The following GALNTL6 variants were observed in gnomAD, a reference collection of about 807,000 sequenced individuals.
GALNTL6 encodes polypeptide N-acetylgalactosaminyltransferase like 6.
GALNTL6 carries 46 observed loss-of-function variants against 73.7 expected under a neutral mutation model. The observed-to-expected ratio is 0.62, with a 90% CI of 0.49 to 0.80. The LOEUF is 0.80. Among genes scored for constraint, GALNTL6 ranks in the 30% least tolerant of loss-of-function variants. GALNTL6 has a pLI of 0.00. For missense variants in GALNTL6, 604 were observed against 755.0 expected (o/e 0.80, Z 2.34); for synonymous variants, 259 against 263.7 (o/e 0.98, Z 0.17).
intron 12 of GALNTL6, among the ~76,000 whole-genome samples, chr4:173,032,488 C>G (rs1753511373): frequency 6.6e-6 from 1 of 151,372 alleles, no homozygotes; most frequent in African/African-American, 2.4e-5. Context: ...GTCAGACATC[C>G]CAGCCTGGGC....
rs1297265192 is a variant in GALNTL6 at position 172,504,171 on chromosome 4, A to AAAAAAAAAAAAAAC, written c.553+155490_553+155491insAAAAACAAAAAAAA. On this transcript the variant is annotated intron_variant, in intron 5 of 12. Transcript: ENST00000506823. ...CGAGACTCTGTCTCAAAAAAAAAAA[A>AAAAAAAAAAAAAAC]AAAAAAAACTCACACCTTGTTGATA... Among the ~76,000 whole-genome samples, 2 of 42,594 alleles carry AAAAAAAAAAAAAAC rather than the reference A, an allele frequency of 4.7e-5. 1 individual carries two copies. Among genetic ancestry groups the AAAAAAAAAAAAAAC allele is most frequent in the African/African-American group, 1.2e-4 (2 of 16,506 alleles). The allele number at this position is 42,594 out of a possible 152,430, so 27.9% of individuals were successfully genotyped here. A position where few individuals can be genotyped will look rare whatever the true frequency, so the allele number is the denominator to read the frequency against.
At chr4:172,569,236 C>T (rs915604481) in intron 5 of GALNTL6, among the ~76,000 whole-genome samples, 2 of 152,088 alleles carry the variant, frequency 1.3e-5, no homozygotes, top group Non-Finnish European at 2.9e-5. Context: ...TGAGGGCCCA[C>T]CTCCTGGTTC....
chr4:172,112,373 T>C lies in GALNTL6; in HGVS notation c.139-117283T>C, dbSNP rs537275071. ...TATAAATGTCCATGTGTAGGTTTTT[T>C]TGTGGACATAAGTTTTCAACTCCTT... On this transcript the variant is annotated intron_variant, in intron 2 of 12. Transcript: ENST00000506823. Among the ~76,000 whole-genome samples the C allele has an allele frequency of 3.9e-5, 6 of 152,176 alleles. No individual in the cohort carries two copies. In the East Asian group the frequency reaches 1.2e-3, roughly 29 times the overall value.
chr4:172,165,836 T>C (rs1186620334), intron 2 of GALNTL6, among the ~76,000 whole-genome samples: 3 of 152,174 alleles, frequency 2.0e-5, no homozygotes, highest in Admixed American at 6.5e-5. Context: ...TTATTGCTAA[T>C]GAGCACATGC....
intron 4 of GALNTL6, among the ~76,000 whole-genome samples, chr4:172,330,011 G>T (rs73870085): frequency 6.6e-6 from 1 of 152,196 alleles, no homozygotes; most frequent in Non-Finnish European, 1.5e-5. Context: ...TCTCAGGGAC[G>T]TATAACACTG....
intron 5 of GALNTL6, among the ~76,000 whole-genome samples, chr4:172,445,482 A>G (rs894822140): frequency 1.3e-5 from 2 of 152,224 alleles, no homozygotes; most frequent in African/African-American, 4.8e-5. Context: ...AGGCAGATAG[A>G]CAGACAGACA....
At chr4:172,525,273 G>T (rs990934073) in intron 5 of GALNTL6, among the ~76,000 whole-genome samples, 2 of 152,096 alleles carry the variant, frequency 1.3e-5, no homozygotes, top group African/African-American at 4.8e-5. Flanking sequence ...TTTAGGATAA[G>T]CTTGTCAAGT....
intron 5 of GALNTL6, among the ~76,000 whole-genome samples, chr4:172,375,971 C>T (rs931602184): frequency 1.3e-5 from 2 of 152,116 alleles, no homozygotes; most frequent in African/African-American, 4.8e-5. Flanking sequence ...TGCCCTTTGT[C>T]CTCACTTACA....
Position 172,696,025 on chromosome 4 carries a change from A to G in GALNTL6, c.554-113336A>G, listed in dbSNP as rs564629417. ...AACTTTAAATTCTCCATTTTTAGAT[A>G]TTAACTAATGTTTCTCATCTAAACA... is the stretch of plus-strand genomic sequence containing the variant. On this transcript the variant is annotated intron_variant, in intron 5 of 12. Coordinates refer to ENST00000506823, the MANE Select transcript of GALNTL6 (RefSeq NM_001034845.3). 6.8e-4 allele frequency among the ~76,000 whole-genome samples: 103 copies of G among 152,152 alleles called. 1 individual carries two copies. Among genetic ancestry groups the G allele is most frequent in the Non-Finnish European group, 9.6e-4 (65 of 67,978 alleles).
At chr4:172,520,014 C>T (rs997816062) in intron 5 of GALNTL6, among the ~76,000 whole-genome samples, 2 of 151,828 alleles carry the variant, frequency 1.3e-5, no homozygotes, top group South Asian at 4.2e-4. Flanking sequence ...AATTATGGCA[C>T]TTTTCAGGAA....
rs557881380 is a variant in GALNTL6 at position 172,794,217 on chromosome 4, C to G, written c.554-15144C>G. 1.8e-4 allele frequency among the ~76,000 whole-genome samples: 28 copies of G among 152,300 alleles called. No homozygotes were observed. In the South Asian group the frequency reaches 2.7e-3, roughly 15 times the overall value. On this transcript the variant is annotated intron_variant, in intron 5 of 12. Coordinates refer to ENST00000506823, the MANE Select transcript of GALNTL6 (RefSeq NM_001034845.3). ...TTCCATTTTGCAAATACATTTTACACTCTTTTGGGAATTCCTTCTAAAATT... is the reference window on the plus strand; with the variant it reads ...TTCCATTTTGCAAATACATTTTACAGTCTTTTGGGAATTCCTTCTAAAATT...
chr4:172,315,204 G>C (rs904058364), intron 4 of GALNTL6, among the ~76,000 whole-genome samples: 3 of 151,980 alleles, frequency 2.0e-5, no homozygotes, highest in African/African-American at 7.2e-5. Flanking sequence ...TCTGTGCTTT[G>C]GTATGTCAAA....
At chr4:172,573,353 A>G (rs1054988365) in intron 5 of GALNTL6, among the ~76,000 whole-genome samples, 6 of 152,150 alleles carry the variant, frequency 3.9e-5, no homozygotes, top group African/African-American at 1.4e-4. Flanking sequence ...TATAAAGGTC[A>G]TTACAGCTTA....
At chr4:172,277,793 A>G (rs1738889663) in intron 3 of GALNTL6, among the ~76,000 whole-genome samples, 1 of 152,172 alleles carries the variant, frequency 6.6e-6, no homozygotes, top group Non-Finnish European at 1.5e-5. Context: ...TGGTTTTGTT[A>G]AACCCTACTT....
At chr4:172,952,330 G>C (rs1749494066) in intron 10 of GALNTL6, 72 bp downstream of exon 10, 1 of 1,064,866 alleles carries the variant, frequency 9.4e-7, no homozygotes, top group African/African-American at 1.6e-5. Flanking sequence ...TCAGGTGGTG[G>C]GAGGGACTGC....
intron 2 of GALNTL6, among the ~76,000 whole-genome samples, chr4:172,069,585 A>ATATATATAACATATATGT (rs1731485677): frequency 4.3e-5 from 1 of 23,416 alleles, no homozygotes; most frequent in African/African-American, 9.8e-5. Context: ...GTTATATATT[A>ATATATATAACATATATGT]TATATATAAC....
intron 5 of GALNTL6, among the ~76,000 whole-genome samples, chr4:172,761,669 T>C (rs10031407): frequency 0.024 from 3,564 of 147,170 alleles, 66 homozygotes; most frequent in South Asian, 0.056. Context: ...CTTGCTCTCT[T>C]TCTCTCTCTC....
intron 2 of GALNTL6, among the ~76,000 whole-genome samples, chr4:171,937,816 G>C (rs1738398044): frequency 6.6e-6 from 1 of 152,130 alleles, no homozygotes; most frequent in Non-Finnish European, 1.5e-5. Flanking sequence ...CCCAATTTTA[G>C]TGTTTTAATT....
intron 2 of GALNTL6, among the ~76,000 whole-genome samples, chr4:171,894,684 T>A (rs796943699): frequency 3.3e-5 from 5 of 152,264 alleles, no homozygotes; most frequent in African/African-American, 1.2e-4. Context: ...TTAAATATGA[T>A]GAAATCAAAG....
Sources: allele counts gnomAD v4.1 joint callset (sites outside exome capture counted in the v4.1 genomes callset), GRCh38; gene constraint gnomAD v4.1.1; transcripts MANE v1.5; gene names NCBI Gene and HGNC (gene_info 2026-07-23, HGNC 2026-07-21).